PDE5A: variants seen among roughly 807,000 people sequenced by gnomAD.
The protein encoded by PDE5A is cGMP-specific 3',5'-cyclic phosphodiesterase.
PDE5A carries 67 observed loss-of-function variants against 110.2 expected under a neutral mutation model. That is an observed-to-expected ratio of 0.61 (90% CI 0.50 to 0.75). The LOEUF (loss-of-function observed/expected upper bound fraction) is 0.75, where lower values mean the gene tolerates loss of function less well. Among genes scored for constraint, PDE5A ranks in the 30% least tolerant of loss-of-function variants. The pLI is 0.00. For missense variants in PDE5A, 862 were observed against 1,045.1 expected (o/e 0.82, Z 2.42); for synonymous variants, 328 against 351.2 (o/e 0.93, Z 0.74).
rs1475081854 is a variant in PDE5A, at chr4:119,542,466, G to A, written c.1565C>T (p.Thr522Ile). 6.2e-7 allele frequency: 1 copy of A among 1,613,664 alleles called. No homozygotes were observed. The highest frequency in any genetic ancestry group is 8.5e-7 in the Non-Finnish European group (1 of 1,179,732). ...TCCCTAAACTTCACCCACCTCCAAT[G>A]TGACCATTTGCTTGGCCATGGCTCT... ...VERAMAKQMVTLEVLSYHASA... is the reference protein window; with the variant it reads ...VERAMAKQMVILEVLSYHASA... Residue 522 changes from threonine to isoleucine, a missense_variant, in exon 10 of 21, where the codon ACA (threonine) becomes ATA (isoleucine). By Grantham distance (89) the Thr-to-Ile change is moderately conservative. Coordinates refer to ENST00000354960, the MANE Select transcript of PDE5A (RefSeq NM_001083.4).
chr4:119,525,717 A>G lies in PDE5A; in HGVS notation c.1633-22T>C. 8 of 1,593,524 alleles carry G rather than the reference A, an allele frequency of 5.0e-6. No homozygotes were observed. The highest frequency in any genetic ancestry group is 6.0e-6 in the Non-Finnish European group (7 of 1,171,624). On this transcript the variant is annotated intron_variant, in intron 11 of 20. Transcript: ENST00000354960. This position sits in a 1 kb window ranked among gnomAD's most constrained non-coding sequence, Gnocchi z 4.3. ...CAGCCTTGGGTAAGGAAAGAAGAAA[A>G]AAAAAAATGCTGTTAATTAAAGCAG...
chr4:119,620,839 G>A (rs1350503960), intron 1 of PDE5A, among the ~76,000 whole-genome samples: 3 of 152,132 alleles, frequency 2.0e-5, no homozygotes, highest in Non-Finnish European at 4.4e-5. Context: ...TGCCTTCATA[G>A]CAAGTAAAAA....
At position 119,502,654 on chromosome 4, in the gene PDE5A, A is replaced by G. The variant is rs114886951; in HGVS notation, c.2333T>C (p.Ile778Thr). The G allele has an allele frequency of 2.8e-3, 4,447 of 1,591,628 alleles. 14 individuals are homozygous for G. Among genetic ancestry groups the G allele is most frequent in the Non-Finnish European group, 3.5e-3 (4,071 of 1,161,796 alleles). Residue 778 changes from isoleucine (I) to threonine (T), a missense_variant and splice_region_variant, in exon 19 of 21, where the codon ATA becomes ACA. Transcript: ENST00000354960. ...AAATTCAGTTGCTACAAGTTCTGCT[A>G]TCTGAAATAAATAACAGACTCAGTT... The part of the protein sequence containing the change: ...ITKPWPIQQR[I>T]AELVATEFFD...
At position 119,562,828 on chromosome 4, in the gene PDE5A, C is replaced by G; in HGVS notation, c.1131+5G>C. 6.4e-7 allele frequency: 1 copy of G among 1,559,682 alleles called. No individual in the cohort carries two copies. The highest frequency in any genetic ancestry group is 8.6e-7 in the Non-Finnish European group (1 of 1,159,352). ...AAAAATAAAAAAGTCATACTCTGTA[C>G]TCACGGAGCAATCTTCATCCACTAT... On this transcript the variant is annotated splice_donor_5th_base_variant and intron_variant, in intron 6 of 20. Coordinates refer to ENST00000354960, the MANE Select transcript of PDE5A (RefSeq NM_001083.4).
intron 3 of PDE5A, among the ~76,000 whole-genome samples, chr4:119,578,377 G>A (rs1239569420): frequency 7.2e-5 from 11 of 152,122 alleles, no homozygotes; most frequent in South Asian, 2.1e-4. Context: ...CCTGCATTGC[G>A]AAGTCAATCC....
At chr4:119,501,804 C>CAAAG (rs1305760440) in intron 19 of PDE5A, among the ~76,000 whole-genome samples, 1 of 152,140 alleles carries the variant, frequency 6.6e-6, no homozygotes, top group East Asian at 1.9e-4. Flanking sequence ...CAGTATGTAT[C>CAAAG]AAAGACCTTT....
Position 119,618,261 on chromosome 4 carries a change from G to T in PDE5A, c.152+10259C>A, listed in dbSNP as rs539188362. Among the ~76,000 whole-genome samples, 115 of 152,254 alleles carry T rather than the reference G, an allele frequency of 7.6e-4. 1 individual carries two copies. Among genetic ancestry groups the T allele is most frequent in the Admixed American group, 2.4e-3 (37 of 15,292 alleles). ...GATAGTTATTGTTTTTAAGTTAACT[G>T]AATATTAAGTGGAGTATATTTTTTA... On this transcript the variant is annotated intron_variant, in intron 1 of 20. Coordinates refer to ENST00000354960, the MANE Select transcript of PDE5A (RefSeq NM_001083.4).
chr4:119,619,893 T>G (rs1730081800), intron 1 of PDE5A, among the ~76,000 whole-genome samples: 1 of 152,230 alleles, frequency 6.6e-6, no homozygotes, highest in African/African-American at 2.4e-5. Flanking sequence ...CTGTCCTATC[T>G]AGGGCCCTTC....
intron 3 of PDE5A, among the ~76,000 whole-genome samples, chr4:119,592,525 G>C (rs1253171692): frequency 7.4e-6 from 1 of 135,048 alleles, no homozygotes; most frequent in Non-Finnish European, 1.6e-5. Flanking sequence ...TAAAGTTACA[G>C]ATTGAACATC....
chr4:119,577,352 C>T (rs1728395537), intron 3 of PDE5A, among the ~76,000 whole-genome samples: 1 of 152,166 alleles, frequency 6.6e-6, no homozygotes, highest in African/African-American at 2.4e-5. Flanking sequence ...CAGCATCATC[C>T]TGATACCAAA....
chr4:119,620,445 C>T (rs28415331), intron 1 of PDE5A, among the ~76,000 whole-genome samples: 3,898 of 152,242 alleles, frequency 0.026, 163 homozygotes, highest in African/African-American at 0.088. Context: ...ACATTCACAA[C>T]ACATGGTATA....
intron 14 of PDE5A, among the ~76,000 whole-genome samples, chr4:119,518,434 C>CA (rs1725993851): frequency 6.6e-6 from 1 of 152,230 alleles, no homozygotes. Flanking sequence ...CTCTCAAACT[C>CA]AGTCAATGAG....
intron 14 of PDE5A, among the ~76,000 whole-genome samples, chr4:119,515,737 C>T (rs1725888113): frequency 6.6e-6 from 1 of 151,898 alleles, no homozygotes; most frequent in Admixed American, 6.6e-5. Context: ...AAATTTTTTT[C>T]TCCTTCAGTC....
intron 18 of PDE5A, among the ~76,000 whole-genome samples, chr4:119,503,732 A>G (rs1277559486): frequency 1.3e-5 from 2 of 152,226 alleles, no homozygotes; most frequent in African/African-American, 4.8e-5. Context: ...GGGTTTTTGC[A>G]TTAAGTATGC....
At chr4:119,528,981 A>G (rs1010338504) in intron 11 of PDE5A, among the ~76,000 whole-genome samples, 1 of 152,114 alleles carries the variant, frequency 6.6e-6, no homozygotes, top group African/African-American at 2.4e-5. Flanking sequence ...GATATTTCAC[A>G]GCTCCTGGCT....
intron 1 of PDE5A, among the ~76,000 whole-genome samples, chr4:119,613,489 A>C (rs797018038): frequency 3.6e-4 from 55 of 152,256 alleles, no homozygotes; most frequent in African/African-American, 1.0e-3. Context: ...CTTTCCTTTC[A>C]AACTTAAAAG....
intron 14 of PDE5A, among the ~76,000 whole-genome samples, chr4:119,516,885 C>T (rs1725927362): frequency 6.6e-6 from 1 of 152,212 alleles, no homozygotes; most frequent in South Asian, 2.1e-4. Context: ...TCCCAAAGTG[C>T]TGGGATTACA....
intron 14 of PDE5A, among the ~76,000 whole-genome samples, chr4:119,514,564 C>A (rs1426289545): frequency 6.6e-6 from 1 of 151,610 alleles, no homozygotes; most frequent in Non-Finnish European, 1.5e-5. Context: ...CACCTTTTGA[C>A]CTCAGAATTC....
chr4:119,560,891 G>C (rs1418615937), intron 6 of PDE5A, among the ~76,000 whole-genome samples: 1 of 152,206 alleles, frequency 6.6e-6, no homozygotes, highest in Non-Finnish European at 1.5e-5. Flanking sequence ...AGGCCAAGGT[G>C]GGTGGATCAC....
Sources: allele counts gnomAD v4.1 joint callset (sites outside exome capture counted in the v4.1 genomes callset), GRCh38; gene constraint gnomAD v4.1.1; non-coding constraint Gnocchi (gnomAD v3.1); transcripts MANE v1.5; gene names NCBI Gene and HGNC (gene_info 2026-07-23, HGNC 2026-07-21).